OPA1: variants seen among roughly 807,000 people sequenced by gnomAD.
OPA1 encodes OPA1 mitochondrial dynamin like GTPase, also known as dynamin-like GTPase OPA1, mitochondrial.
In OPA1, 59 loss-of-function variants were observed where a neutral mutation model predicts 152.9. The observed-to-expected ratio is 0.39, with a 90% CI of 0.31 to 0.48. The LOEUF (loss-of-function observed/expected upper bound fraction) is 0.48. Ranked by LOEUF, OPA1 falls within the 20% of genes least tolerant of loss-of-function variation. OPA1 has a pLI of 0.96. For synonymous variants in OPA1, 400 were observed against 389.9 expected (o/e 1.03, Z -0.31); for missense variants, 1,008 against 1,216.8 (o/e 0.83, Z 2.55).
intron 15 of OPA1, 35 bp from the exon 16 acceptor site, chr3:193,643,940 A>T (rs939273532): frequency 6.2e-7 from 1 of 1,609,930 alleles, no homozygotes; most frequent in African/African-American, 1.3e-5. Context: ...TTTACATCTT[A>T]AAATTCCACA....
At chr3:193,624,443 A>T (rs1022076053) in intron 6 of OPA1, 1 of 152,200 alleles carries the variant, frequency 6.6e-6, no homozygotes, top group African/African-American at 2.4e-5. Flanking sequence ...AAATTTGAAC[A>T]CTTGGATAAT....
At position 193,667,127 on chromosome 3, in the gene OPA1, A is replaced by T. The variant is rs748947423; in HGVS notation, c.2873-43A>T. On this transcript the variant is annotated intron_variant, in intron 28 of 30. Transcript: ENST00000361510. ...TTAATTTTATCATCTTTATTCATTT[A>T]TAAAAACGATGCTCCTCAGGTTTTT... 1.1e-5 allele frequency: 10 copies of T among 916,532 alleles called. No homozygotes were observed. The African/African-American group carries it at 1.6e-4, about 15-fold the overall frequency. 56.8% of individuals were successfully genotyped at this position (916,532 alleles called of 1,614,324 possible).
chr3:193,617,716 G>A, intron 4 of OPA1, 68 bp from the exon 5 acceptor site: 1 of 1,157,892 alleles, frequency 8.6e-7, no homozygotes. Flanking sequence ...TGAGATCTCA[G>A]ACATCTTTGT....
intron 1 of OPA1, among the ~76,000 whole-genome samples, chr3:193,612,329 T>G (rs6444732): frequency 0.46 from 68,510 of 148,616 alleles, 16,085 homozygotes; most frequent in Non-Finnish European, 0.47. Flanking sequence ...TAACAAAAAG[T>G]TTAGTGGACT....
chr3:193,650,861 A>T (rs984712586), intron 21 of OPA1, among the ~76,000 whole-genome samples: 1 of 152,214 alleles, frequency 6.6e-6, no homozygotes, highest in African/African-American at 2.4e-5. Context: ...TTCTAGAAGG[A>T]TAGCTGGCTA....
chr3:193,626,340 CAT>C (rs1158365387), intron 7 of OPA1, 138 bp downstream of exon 7: 8 of 691,456 alleles, frequency 1.2e-5, no homozygotes, highest in Non-Finnish European at 2.1e-5. Context: ...AAAGATGCAT[CAT>C]ATAAATATGT....
intron 20 of OPA1, chr3:193,648,402 G>A: frequency 4.9e-6 from 2 of 408,466 alleles, no homozygotes; most frequent in Non-Finnish European, 8.8e-6. Flanking sequence ...TAAAGGTTTT[G>A]TAGAATTCGT....
At position 193,648,760 on chromosome 3, in the gene OPA1, T is replaced by C. The variant is rs767257436; in HGVS notation, c.1936-35T>C. The C allele has an allele frequency of 1.9e-5, 27 of 1,390,584 alleles. 1 individual carries two copies. In the South Asian group the frequency reaches 2.2e-4, roughly 11 times the overall value. 86.1% of individuals were successfully genotyped at this position (1,390,584 alleles called of 1,614,324 possible). A position where few individuals can be genotyped will look rare whatever the true frequency, so the allele number is the denominator to read the frequency against. On this transcript the variant is annotated intron_variant, in intron 20 of 30. Transcript: ENST00000361510. ...ATGACAGGGTAAATTTACTGTCTTATGGAAATCTTACTTACTTGTATTTAT... is the reference window on the plus strand; with the variant it reads ...ATGACAGGGTAAATTTACTGTCTTACGGAAATCTTACTTACTTGTATTTAT...
At chr3:193,617,382 A>G (rs1729206691) in intron 4 of OPA1, 97 bp downstream of exon 4, 3 of 740,770 alleles carry the variant, frequency 4.0e-6, no homozygotes, top group African/African-American at 1.8e-5. Flanking sequence ...TAAAATTAAA[A>G]TATTTAGTAC....
intron 29 of OPA1, among the ~76,000 whole-genome samples, chr3:193,669,760 T>C (rs35134178): frequency 0.021 from 3,245 of 152,330 alleles, 53 homozygotes; most frequent in Non-Finnish European, 0.032. Flanking sequence ...TCTTTTCTTA[T>C]GTTTTTAGTA....
intron 29 of OPA1, among the ~76,000 whole-genome samples, chr3:193,687,245 A>G (rs1169294725): frequency 6.6e-6 from 1 of 152,194 alleles, no homozygotes; most frequent in African/African-American, 2.4e-5. Context: ...ATTCACTGAG[A>G]CGGTTTATGA....
intron 6 of OPA1, among the ~76,000 whole-genome samples, chr3:193,623,576 T>A (rs1560341527): frequency 6.6e-6 from 1 of 152,008 alleles, no homozygotes; most frequent in Non-Finnish European, 1.5e-5. Context: ...TAGCCAGGAG[T>A]CAGGAGATAT....
chr3:193,606,443 T>C (rs1421439531), intron 1 of OPA1, among the ~76,000 whole-genome samples: 1 of 120,712 alleles, frequency 8.3e-6, no homozygotes, highest in Non-Finnish European at 1.6e-5. Flanking sequence ...CAGGCCCCAG[T>C]GTGTGATGTT....
chr3:193,681,910 A>G (rs2109398282), intron 29 of OPA1, among the ~76,000 whole-genome samples: 1 of 152,240 alleles, frequency 6.6e-6, no homozygotes, highest in East Asian at 1.9e-4. Flanking sequence ...ACACAACAAT[A>G]TTGAAATTTG....
rs1021045644 is a variant in OPA1, at chr3:193,619,239, G to A, written c.678+303G>A. ...AAAGGCTCGTTTAGACAAGGCAAGC[G>A]GACTTCTTTTCTTTCCCTAGGACCT... On this transcript the variant is annotated intron_variant, in intron 6 of 30. Coordinates refer to ENST00000361510, the MANE Select transcript of OPA1 (RefSeq NM_130837.3). 3.7e-4 allele frequency among the ~76,000 whole-genome samples: 57 copies of A among 152,198 alleles called. 1 individual carries two copies. Among genetic ancestry groups the A allele is most frequent in the African/African-American group, 1.3e-3 (54 of 41,514 alleles).
chr3:193,626,700 T>C (rs992467166), intron 7 of OPA1, among the ~76,000 whole-genome samples: 7 of 152,246 alleles, frequency 4.6e-5, no homozygotes, highest in Non-Finnish European at 1.0e-4. Flanking sequence ...GGCAAAAGCA[T>C]GTAGTTCTTA....
rs115328406 is a variant in OPA1 at position 193,595,589 on chromosome 3, C to T, written c.32+2180C>T. On this transcript the variant is annotated intron_variant, in intron 1 of 30. Transcript: ENST00000361510. ...TCTTATGACAATCTGATTTTTTCAT[C>T]TTCATGATTATCTTGTTTTTCCCTT... Among the ~76,000 whole-genome samples, 564 of 152,264 alleles carry T rather than the reference C, an allele frequency of 3.7e-3. 6 individuals carry two copies. Among genetic ancestry groups the T allele is most frequent in the African/African-American group, 0.013 (523 of 41,570 alleles).
chr3:193,684,024 C>A (rs1720575651), intron 29 of OPA1, among the ~76,000 whole-genome samples: 1 of 152,148 alleles, frequency 6.6e-6, no homozygotes, highest in South Asian at 2.1e-4. Context: ...GTCATTCCAT[C>A]ATTCATGGTG....
chr3:193,675,031 A>T (rs1357650398), intron 29 of OPA1, among the ~76,000 whole-genome samples: 1 of 152,176 alleles, frequency 6.6e-6, no homozygotes, highest in Non-Finnish European at 1.5e-5. Context: ...ACAATTTTTC[A>T]TGCTATTAAT....
Sources: gnomAD v4.1 joint callset for allele counts (sites outside exome capture counted in the v4.1 genomes callset) on GRCh38, gnomAD v4.1.1 for gene constraint, MANE v1.5 for transcripts, NCBI Gene and HGNC (gene_info 2026-07-23, HGNC 2026-07-21) for gene names.